Variants in KIAA1958 observed in about 807,000 individuals in gnomAD.
KIAA1958 encodes the protein uncharacterized protein KIAA1958.
Under a neutral mutation model 47.2 loss-of-function variants are expected in KIAA1958, and 14 were observed. The ratio of observed to expected loss-of-function variants is 0.30; its 90% confidence interval spans 0.20 to 0.46. The LOEUF (loss-of-function observed/expected upper bound fraction) is 0.46. Ranked by LOEUF, KIAA1958 falls within the 20% of genes least tolerant of loss-of-function variation. KIAA1958 has a pLI of 1.00. For synonymous variants in KIAA1958, 354 were observed against 353.3 expected (o/e 1.00, Z -0.02); for missense variants, 803 against 909.2 (o/e 0.88, Z 1.50).
At chr9:112,616,798 A>G (rs1836414207) in intron 2 of KIAA1958, among the ~76,000 whole-genome samples, 1 of 151,808 alleles carries the variant, frequency 6.6e-6, no homozygotes, top group Non-Finnish European at 1.5e-5. Flanking sequence ...GAAACCATGT[A>G]AATGATGTAA....
chr9:112,524,883 A>G (rs144983608), intron 1 of KIAA1958, among the ~76,000 whole-genome samples: 7 of 152,324 alleles, frequency 4.6e-5, no homozygotes, highest in Admixed American at 2.0e-4. Context: ...GCTTATCACT[A>G]TGGTAAACTA....
intron 1 of KIAA1958, among the ~76,000 whole-genome samples, chr9:112,567,495 A>G (rs1039298229): frequency 6.6e-5 from 10 of 152,194 alleles, no homozygotes; most frequent in African/African-American, 2.2e-4. Flanking sequence ...TAAGGGGAAA[A>G]GGTAAAAACC....
chr9:112,541,327 AG>A (rs1413396462), intron 1 of KIAA1958, among the ~76,000 whole-genome samples: 1 of 145,940 alleles, frequency 6.9e-6, no homozygotes, highest in Non-Finnish European at 1.5e-5. Flanking sequence ...AGTGAAACAG[AG>A]TATCCAAATC....
chr9:112,507,249 GCTAGTCA>G (rs1457233231), intron 1 of KIAA1958, among the ~76,000 whole-genome samples: 1 of 152,172 alleles, frequency 6.6e-6, no homozygotes, highest in Non-Finnish European at 1.5e-5. Flanking sequence ...TGTATCCTTT[GCTAGTCA>G]CTCTTTTCAG....
intron 2 of KIAA1958, among the ~76,000 whole-genome samples, chr9:112,607,749 C>CAAAAAAAAA (rs367932637): frequency 2.5e-5 from 3 of 118,840 alleles, no homozygotes; most frequent in African/African-American, 6.4e-5. Flanking sequence ...ATATCCAAGA[C>CAAAAAAAAA]AAAAAAAAAA....
intron 2 of KIAA1958, among the ~76,000 whole-genome samples, chr9:112,635,549 G>A (rs1009493940): frequency 4.6e-5 from 7 of 152,104 alleles, no homozygotes; most frequent in African/African-American, 1.4e-4. Context: ...ACCTCATCTG[G>A]CCTCCATTTC....
intron 3 of KIAA1958, among the ~76,000 whole-genome samples, chr9:112,653,005 G>T (rs1183859886): frequency 6.6e-6 from 1 of 152,154 alleles, no homozygotes; most frequent in Non-Finnish European, 1.5e-5. Flanking sequence ...TGTAGTTCTT[G>T]TCTTCAGGGA....
At chr9:112,576,338 TTTTAAATAATAG>T (rs1462445788) in intron 2 of KIAA1958, among the ~76,000 whole-genome samples, 2 of 152,228 alleles carry the variant, frequency 1.3e-5, no homozygotes, top group East Asian at 3.8e-4. Context: ...TTTTATCTTT[TTTTAAATAATAG>T]TTTTATTGAG....
intron 1 of KIAA1958, among the ~76,000 whole-genome samples, chr9:112,541,039 TTTA>T (rs2132823114): frequency 1.3e-5 from 2 of 152,178 alleles, no homozygotes; most frequent in South Asian, 4.1e-4. Context: ...ATAATCTATG[TTTA>T]TTAATTTTGA....
chr9:112,579,772 G>T (rs1476810762), intron 2 of KIAA1958, among the ~76,000 whole-genome samples: 1 of 152,170 alleles, frequency 6.6e-6, no homozygotes, highest in Non-Finnish European at 1.5e-5. Context: ...ATTGATTAAG[G>T]TATGTATTAC....
intron 2 of KIAA1958, chr9:112,617,925 G>A (rs1190824439): frequency 3.2e-6 from 5 of 1,550,298 alleles, no homozygotes; most frequent in Admixed American, 2.0e-5. Context: ...AAAACCATCC[G>A]GAGCACGCAG....
At chr9:112,609,983 T>A (rs1409861566) in intron 2 of KIAA1958, among the ~76,000 whole-genome samples, 1 of 152,118 alleles carries the variant, frequency 6.6e-6, no homozygotes, top group African/African-American at 2.4e-5. Flanking sequence ...GTGAAAAATC[T>A]CAGTAAAATG....
chr9:112,624,340 A>G (rs16917150), intron 2 of KIAA1958, among the ~76,000 whole-genome samples: 1,664 of 152,342 alleles, frequency 0.011, 32 homozygotes, highest in African/African-American at 0.038. Context: ...TGTTTAGTGC[A>G]TGGTATTCAA....
At chr9:112,650,438 T>TG (rs1837038453) in intron 3 of KIAA1958, among the ~76,000 whole-genome samples, 1 of 152,102 alleles carries the variant, frequency 6.6e-6, no homozygotes, top group South Asian at 2.1e-4. Flanking sequence ...AGTGGATGAA[T>TG]GAAAGGGTAG....
chr9:112,493,269 G>A (rs1017034499), intron 1 of KIAA1958, among the ~76,000 whole-genome samples: 73 of 151,654 alleles, frequency 4.8e-4, no homozygotes, highest in African/African-American at 1.7e-3. Context: ...ATCTAGTCGG[G>A]GCTTTTCTCC....
intron 1 of KIAA1958, among the ~76,000 whole-genome samples, chr9:112,523,361 G>C (rs556799063): frequency 6.6e-6 from 1 of 152,290 alleles, no homozygotes; most frequent in East Asian, 1.9e-4. Context: ...TGAGGTGAAA[G>C]GATTGCTTGA....
At chr9:112,639,845 A>G (rs986850841) in intron 2 of KIAA1958, among the ~76,000 whole-genome samples, 1 of 152,190 alleles carries the variant, frequency 6.6e-6, no homozygotes, top group African/African-American at 2.4e-5. Context: ...CCTACCAACA[A>G]CTTTAAAAGT....
In KIAA1958 at chr9:112,665,133, G is replaced by A. The variant is rs1837336942; in HGVS notation, c.*5064G>A. 6.6e-6 allele frequency: 1 copy of A among 152,058 alleles called. No individual in the cohort carries two copies. Among genetic ancestry groups the A allele is most frequent in the African/African-American group, 2.4e-5 (1 of 41,404 alleles). The allele number at this position is 152,058 out of a possible 1,614,324, so 9.4% of individuals were successfully genotyped here. A position where few individuals can be genotyped will look rare whatever the true frequency, so the allele number is the denominator to read the frequency against. ...CTGGATAATATGTAGATATATTTTA[G>A]TTCCATTACTATTAATAGCAATTAG... On this transcript the variant is annotated 3_prime_UTR_variant, in exon 4 of 4. Transcript: ENST00000337530.
At chr9:112,616,924 CAG>C (rs1836416668) in intron 2 of KIAA1958, among the ~76,000 whole-genome samples, 1 of 152,192 alleles carries the variant, frequency 6.6e-6, no homozygotes, top group Non-Finnish European at 1.5e-5. Context: ...ATCATGAACA[CAG>C]AGATGCTGGT....
Sources: allele counts gnomAD v4.1 joint callset (sites outside exome capture counted in the v4.1 genomes callset), GRCh38; gene constraint gnomAD v4.1.1; transcripts MANE v1.5; gene names NCBI Gene and HGNC (gene_info 2026-07-23, HGNC 2026-07-21).